The following LYPLAL1 variants were observed in gnomAD, a reference collection of about 807,000 sequenced individuals.
LYPLAL1 encodes the protein lysophospholipase-like protein 1.
Under a neutral mutation model 19.7 loss-of-function variants are expected in LYPLAL1, and 23 were observed. The observed-to-expected ratio is 1.17, with a 90% confidence interval of 0.84 to 1.65. The LOEUF is 1.65. Among genes scored for constraint, LYPLAL1 ranks in the 40% most tolerant of loss-of-function variants. LYPLAL1 has a pLI of 0.00. For missense variants in LYPLAL1, 355 were observed against 279.4 expected (o/e 1.27, Z -1.93); for synonymous variants, 119 against 96.3 (o/e 1.24, Z -1.38).
chr1:219,439,959 C>CTATATATATATATATA, the LYPLAL1 span, among the ~76,000 whole-genome samples: 2 of 131,654 alleles, frequency 1.5e-5, no homozygotes, highest in African/African-American at 6.4e-5. Flanking sequence ...ACAAAACTGA[C>CTATATATATATATATA]TATATATATA....
At chr1:219,305,297 A>G in the LYPLAL1 span, among the ~76,000 whole-genome samples, 1 of 152,140 alleles carries the variant, frequency 6.6e-6, no homozygotes, top group East Asian at 1.9e-4. Flanking sequence ...TCTAGACACA[A>G]ATATACTCCC....
the LYPLAL1 span, among the ~76,000 whole-genome samples, chr1:219,241,321 T>C: frequency 3.3e-5 from 5 of 151,310 alleles, no homozygotes. Context: ...GAGCAAGAAA[T>C]ACAATTTTAT....
At chr1:219,307,534 A>G in the LYPLAL1 span, among the ~76,000 whole-genome samples, 1 of 152,228 alleles carries the variant, frequency 6.6e-6, no homozygotes, top group South Asian at 2.1e-4. Flanking sequence ...AAATTGCCTA[A>G]TTAATAAGCA....
the LYPLAL1 span, among the ~76,000 whole-genome samples, chr1:219,255,395 C>G: frequency 6.6e-6 from 1 of 151,618 alleles, no homozygotes; most frequent in Non-Finnish European, 1.5e-5. Context: ...TTTTAAAATT[C>G]AATTTTCTAT....
chr1:219,444,497 A>C, the LYPLAL1 span, among the ~76,000 whole-genome samples: 2 of 152,292 alleles, frequency 1.3e-5, no homozygotes, highest in South Asian at 4.1e-4. Flanking sequence ...TTCATCATAG[A>C]AGGAAAAAAA....
At chr1:219,314,042 G>A in the LYPLAL1 span, among the ~76,000 whole-genome samples, 28 of 152,250 alleles carry the variant, frequency 1.8e-4, no homozygotes, top group Middle Eastern at 3.4e-3. Flanking sequence ...TATGCACTCC[G>A]TGTTTAGCTC....
At chr1:219,242,716 A>G in the LYPLAL1 span, among the ~76,000 whole-genome samples, 19 of 150,456 alleles carry the variant, frequency 1.3e-4, no homozygotes, top group East Asian at 2.7e-3. Flanking sequence ...AATTATATAT[A>G]TAATTAATAT....
At chr1:219,351,414 G>A in the LYPLAL1 span, among the ~76,000 whole-genome samples, 1 of 152,070 alleles carries the variant, frequency 6.6e-6, no homozygotes. Flanking sequence ...CATCATCAAA[G>A]AGAAATCTCT....
chr1:219,247,409 T>G, the LYPLAL1 span, among the ~76,000 whole-genome samples: 2 of 152,322 alleles, frequency 1.3e-5, no homozygotes, highest in East Asian at 1.9e-4. Context: ...TGCTTCATTA[T>G]TTATGGTACA....
chr1:219,341,826 C>T, the LYPLAL1 span, among the ~76,000 whole-genome samples: 1 of 152,000 alleles, frequency 6.6e-6, no homozygotes, highest in African/African-American at 2.4e-5. Context: ...TAAGTGGATT[C>T]AGAAGCCATT....
At chr1:219,219,447 TCAAA>T in the LYPLAL1 span, among the ~76,000 whole-genome samples, 3 of 152,186 alleles carry the variant, frequency 2.0e-5, no homozygotes, top group Non-Finnish European at 4.4e-5. Context: ...TTAGGCCACC[TCAAA>T]CAGGACCAAT....
At chr1:219,313,276 C>T in the LYPLAL1 span, among the ~76,000 whole-genome samples, 8 of 152,316 alleles carry the variant, frequency 5.3e-5, no homozygotes, top group South Asian at 2.1e-4. Flanking sequence ...AACTACTTAA[C>T]GTCAGTGTAC....
At chr1:219,357,097 T>C in the LYPLAL1 span, among the ~76,000 whole-genome samples, 1 of 152,232 alleles carries the variant, frequency 6.6e-6, no homozygotes, top group African/African-American at 2.4e-5. Context: ...CCAAATGTTA[T>C]TATTGGGAAA....
At chr1:219,248,316 T>C in the LYPLAL1 span, among the ~76,000 whole-genome samples, 4 of 152,178 alleles carry the variant, frequency 2.6e-5, no homozygotes, top group Non-Finnish European at 4.4e-5. Context: ...TACAGACTTA[T>C]GCAAGAGGAT....
the LYPLAL1 span, among the ~76,000 whole-genome samples, chr1:219,289,012 A>G: frequency 1.4e-4 from 21 of 151,780 alleles, no homozygotes; most frequent in African/African-American, 5.1e-4. Flanking sequence ...TGGATGATAA[A>G]CATAGGCTCC....
chr1:219,304,867 A>C, the LYPLAL1 span, among the ~76,000 whole-genome samples: 2 of 152,356 alleles, frequency 1.3e-5, no homozygotes, highest in African/African-American at 4.8e-5. Flanking sequence ...ATGAAGAACA[A>C]AATTGGCTTT....
chr1:219,348,927 T>C, the LYPLAL1 span, among the ~76,000 whole-genome samples: 1 of 152,234 alleles, frequency 6.6e-6, no homozygotes, highest in Non-Finnish European at 1.5e-5. Flanking sequence ...TCATCTCTAA[T>C]ATAAAGGCAA....
chr1:219,417,938 A>G, the LYPLAL1 span, among the ~76,000 whole-genome samples: 5 of 152,248 alleles, frequency 3.3e-5, no homozygotes, highest in Non-Finnish European at 7.3e-5. Flanking sequence ...TTACTATATC[A>G]AGAATTCCAT....
At chr1:219,186,203 A>C (rs1467708852) in intron 2 of LYPLAL1, among the ~76,000 whole-genome samples, 1 of 151,736 alleles carries the variant, frequency 6.6e-6, no homozygotes, top group Non-Finnish European at 1.5e-5. Flanking sequence ...ATTATTAGAG[A>C]AAATATCCTG....
Sources: allele counts gnomAD v4.1 joint callset (sites outside exome capture counted in the v4.1 genomes callset), GRCh38; gene constraint gnomAD v4.1.1; transcripts MANE v1.5; gene names NCBI Gene and HGNC (gene_info 2026-07-23, HGNC 2026-07-21).